Variants in FAXDC2 observed in about 807,000 individuals in gnomAD.
The protein encoded by FAXDC2 is fatty acid hydroxylase domain-containing protein 2.
A neutral mutation model predicts 40.9 loss-of-function variants in FAXDC2; 41 were observed. The ratio of observed to expected loss-of-function variants is 1.00; its 90% CI spans 0.78 to 1.30. The LOEUF (loss-of-function observed/expected upper bound fraction) is 1.30, where lower values mean the gene tolerates loss of function less well. Among genes scored for constraint, FAXDC2 ranks in the 50% most tolerant of loss-of-function variants. FAXDC2 has a pLI of 0.00. For missense variants in FAXDC2, 390 were observed against 408.8 expected (o/e 0.95, Z 0.40); for synonymous variants, 157 against 149.3 (o/e 1.05, Z -0.38).
chr5:154,820,125 AC>A lies in FAXDC2; in HGVS notation c.*190del. ...AGCTAACTCCTGATCCCATTGAGGG[AC>A]ATCAAGGGCAGTAGTTTGAAGAAAG... On this transcript the variant is annotated 3_prime_UTR_variant, in exon 9 of 9. Transcript: ENST00000326080. 1.7e-6 allele frequency: 1 copy of A among 579,800 alleles called. No individual in the cohort carries two copies. The highest frequency in any genetic ancestry group is 2.1e-5 in the South Asian group (1 of 47,740). 35.9% of individuals were successfully genotyped at this position (579,800 alleles called of 1,614,324 possible). A position where few individuals can be genotyped will look rare whatever the true frequency, so the allele number is the denominator to read the frequency against.
Position 154,830,797 on chromosome 5 carries a change from T to C in FAXDC2, c.366+4A>G. 1 of 1,614,018 alleles carries C rather than the reference T, an allele frequency of 6.2e-7. No homozygotes were observed. On this transcript the variant is annotated splice_donor_region_variant and intron_variant, in intron 5 of 8. Coordinates refer to ENST00000326080, the MANE Select transcript of FAXDC2 (RefSeq NM_032385.5). ...CTTTGACCAGAAGTTGCAACAACACTTACAGGTTCATTCTTGCCGACCTGA... is the reference window on the plus strand; with the variant it reads ...CTTTGACCAGAAGTTGCAACAACACCTACAGGTTCATTCTTGCCGACCTGA...
chr5:154,832,412 A>G (rs894834846), intron 4 of FAXDC2, among the ~76,000 whole-genome samples: 13 of 152,058 alleles, frequency 8.5e-5, no homozygotes, highest in African/African-American at 2.9e-4. Context: ...ACGGGGTTTC[A>G]CCATGGTCTC....
At chr5:154,822,263 GAAAAA>G (rs1018069177) in intron 7 of FAXDC2, 2 of 540,738 alleles carry the variant, frequency 3.7e-6, no homozygotes, top group East Asian at 6.1e-5. Flanking sequence ...GTCTCAAAAA[GAAAAA>G]AAGAAAGTTG....
chr5:154,820,721 GTC>G (rs1191838905), intron 8 of FAXDC2: 1 of 390,260 alleles, frequency 2.6e-6, no homozygotes, highest in Admixed American at 4.6e-5. Context: ...GATGCCCACA[GTC>G]TGAGAATCTC....
chr5:154,838,224 C>T lies in FAXDC2; in HGVS notation c.1-46G>A, dbSNP rs184095208. The T allele has an allele frequency of 4.0e-5, 63 of 1,592,680 alleles. No homozygotes were observed. The Admixed American group carries it at 6.9e-4, about 17-fold the overall frequency. ...CGAGCCGGGGAGTTATTTTCATAAA[C>T]ATCTAAGGAAGTAGGGAGTGGAGAA... On this transcript the variant is annotated intron_variant, in intron 1 of 8. Coordinates refer to ENST00000326080, the MANE Select transcript of FAXDC2 (RefSeq NM_032385.5).
chr5:154,841,056 T>C (rs1760465533), intron 1 of FAXDC2, among the ~76,000 whole-genome samples: 1 of 152,170 alleles, frequency 6.6e-6, no homozygotes, highest in South Asian at 2.1e-4. Context: ...AGGCATCTGA[T>C]ATCCTGCCAG....
intron 2 of FAXDC2, chr5:154,835,244 T>C (rs1760313177): frequency 1.4e-5 from 4 of 276,330 alleles, no homozygotes; most frequent in Admixed American, 9.8e-5. Context: ...CTATCAGCCA[T>C]AGGATTTCAT....
At chr5:154,849,427 C>T (rs924121669) in intron 1 of FAXDC2, among the ~76,000 whole-genome samples, 1 of 152,090 alleles carries the variant, frequency 6.6e-6, no homozygotes, top group East Asian at 1.9e-4. Flanking sequence ...TGCTTGATTG[C>T]ATGTCCATGA....
rs905610599 is a variant in FAXDC2, at chr5:154,835,870, C to T, written c.49-936G>A. Among the ~76,000 whole-genome samples, 7 of 137,884 alleles carry T rather than the reference C, an allele frequency of 5.1e-5. No homozygotes were observed. The East Asian group carries it at 1.1e-3, about 21-fold the overall frequency. 90.5% of individuals were successfully genotyped at this position (137,884 alleles called of 152,430 possible). On this transcript the variant is annotated intron_variant, in intron 2 of 8. Transcript: ENST00000326080. ...TGCTGGGATTACAGGAGTGAGCCAC[C>T]GCGCCCGGCCGACTTTTTTTTTTTT...
chr5:154,836,993 C>T (rs1034640846), intron 2 of FAXDC2, among the ~76,000 whole-genome samples: 8 of 152,220 alleles, frequency 5.3e-5, no homozygotes, highest in Non-Finnish European at 1.0e-4. Flanking sequence ...ACATTTTAAT[C>T]CAGACTTTCA....
In FAXDC2 at chr5:154,838,157, T is replaced by C. The variant is rs919117893; in HGVS notation, c.22A>G (p.Met8Val). Residue 8 changes from methionine to valine, a missense_variant, in exon 2 of 9, where the codon ATG (methionine) becomes GTG (valine). Met to Val is a conservative substitution (Grantham distance 21). Coordinates refer to ENST00000326080, the MANE Select transcript of FAXDC2 (RefSeq NM_032385.5). The part of the protein sequence containing the change: MKGEAGH[M>V]LHNEKSKQEG... ...TGCTTTGACTTTTCATTGTGTAGCATATGTCCAGCTTCTCCTTTCATCTGG... is the reference window on the plus strand; with the variant it reads ...TGCTTTGACTTTTCATTGTGTAGCACATGTCCAGCTTCTCCTTTCATCTGG... 1.2e-6 allele frequency: 2 copies of C among 1,613,726 alleles called. No homozygotes were observed. Among genetic ancestry groups the C allele is most frequent in the Non-Finnish European group, 1.7e-6 (2 of 1,179,770 alleles).
chr5:154,828,615 G>A (rs1404976868), intron 5 of FAXDC2, among the ~76,000 whole-genome samples: 2 of 150,952 alleles, frequency 1.3e-5, no homozygotes, highest in South Asian at 2.1e-4. Context: ...TTTCCCCCTA[G>A]AGACAGTGTC....
At chr5:154,825,670 C>CAAAAAAAAAAAAAAAAAAAAT (rs1561652954) in intron 5 of FAXDC2, among the ~76,000 whole-genome samples, 3 of 73,134 alleles carry the variant, frequency 4.1e-5, no homozygotes, top group Non-Finnish European at 7.3e-5. Context: ...AAAAAAAAAG[C>CAAAAAAAAAAAAAAAAAAAAT]AGTAATATAG....
intron 6 of FAXDC2, 29 bp from the exon 7 acceptor site, chr5:154,822,606 T>G (rs1221385746): frequency 6.4e-7 from 1 of 1,553,682 alleles, no homozygotes; most frequent in African/African-American, 1.4e-5. Flanking sequence ...GTTAATAACC[T>G]GCTGATTCCT....
chr5:154,833,858 C>T (rs1017319823), intron 4 of FAXDC2, among the ~76,000 whole-genome samples: 2 of 151,086 alleles, frequency 1.3e-5, no homozygotes, highest in East Asian at 2.0e-4. Flanking sequence ...TTAGTAGAAA[C>T]GAGGCTTCAC....
chr5:154,844,660 T>C (rs1382395608), intron 1 of FAXDC2, among the ~76,000 whole-genome samples: 1 of 152,370 alleles, frequency 6.6e-6, no homozygotes, highest in African/African-American at 2.4e-5. Flanking sequence ...TATATCCTTT[T>C]ATTGGAAACT....
intron 2 of FAXDC2, 163 bp from the exon 3 acceptor site, chr5:154,835,097 C>T (rs1242030477): frequency 1.0e-5 from 6 of 601,820 alleles, no homozygotes; most frequent in South Asian, 2.0e-5. Flanking sequence ...GTGGGAGCCT[C>T]TTCCTTATCA....
chr5:154,835,057 G>C, intron 2 of FAXDC2, 123 bp from the exon 3 acceptor site: 1 of 657,980 alleles, frequency 1.5e-6, no homozygotes, highest in Non-Finnish European at 2.7e-6. Flanking sequence ...AGGCACATCT[G>C]CGTTTTCCAG....
chr5:154,842,706 T>C (rs563589348), intron 1 of FAXDC2, among the ~76,000 whole-genome samples: 78 of 149,938 alleles, frequency 5.2e-4, no homozygotes, highest in Middle Eastern at 3.4e-3. Context: ...TATTTTTTTT[T>C]TTTTAAGTAG....
Sources: allele counts gnomAD v4.1 joint callset (sites outside exome capture counted in the v4.1 genomes callset), GRCh38; gene constraint gnomAD v4.1.1; transcripts MANE v1.5; gene names NCBI Gene and HGNC (gene_info 2026-07-23, HGNC 2026-07-21).